The following OPRL1 variants were observed in gnomAD, a reference collection of about 807,000 sequenced individuals.
OPRL1 encodes opioid related nociceptin receptor 1, also known as nociceptin receptor.
OPRL1 carries 5 observed loss-of-function variants against 15.5 expected under a neutral mutation model. The observed-to-expected ratio is 0.32, with a 90% confidence interval of 0.17 to 0.68. OPRL1 has a LOEUF of 0.68. OPRL1 is among the 30% of genes least tolerant of loss of function. OPRL1 has a pLI of 0.72. For missense variants in OPRL1, 406 were observed against 515.3 expected (o/e 0.79, Z 2.05); for synonymous variants, 223 against 230.2 (o/e 0.97, Z 0.28).
At chr20:64,088,461 G>C (rs182155196) in intron 1 of OPRL1, among the ~76,000 whole-genome samples, 2 of 151,514 alleles carry the variant, frequency 1.3e-5, no homozygotes, top group Admixed American at 6.6e-5. Flanking sequence ...GACAGGACCC[G>C]TCCAGGGAGG....
rs1242792544 is a variant in OPRL1, at chr20:64,098,586, T to C, written c.900T>C (p.Ile300=). The C allele has an allele frequency of 6.2e-7, 1 of 1,612,734 alleles. No homozygotes were observed. The highest frequency in any genetic ancestry group is 1.3e-5 in the African/African-American group (1 of 74,916). Residue 300 remains isoleucine, a synonymous_variant, in exon 5 of 5, where the codon ATT becomes ATC. Coordinates refer to ENST00000336866, the MANE Select transcript of OPRL1 (RefSeq NM_182647.4). ...VQPSSETAVA[I]LRFCTALGYV... is the part of the protein sequence containing the mutation. ...CGAGCAGCGAGACTGCCGTGGCCAT[T>C]CTGCGCTTCTGCACGGCCCTGGGCT...
At position 64,083,995 on chromosome 20, in the gene OPRL1, C is replaced by A; in HGVS notation, c.-185+3643C>A. ...CCGACCCGCACGGGAAGGTGGAGGCCGCCGCGCCCACGTCCTCCAGCAGGT... is the reference window on the plus strand; with the variant it reads ...CCGACCCGCACGGGAAGGTGGAGGCAGCCGCGCCCACGTCCTCCAGCAGGT... On this transcript the variant is annotated intron_variant, in intron 1 of 4. Coordinates refer to ENST00000336866, the MANE Select transcript of OPRL1 (RefSeq NM_182647.4). This position sits in a 1 kb window ranked among gnomAD's most constrained non-coding sequence, Gnocchi z 4.9. The A allele has an allele frequency of 6.7e-7, 1 of 1,487,834 alleles. No homozygotes were observed. The highest frequency in any genetic ancestry group is 1.3e-5 in the South Asian group (1 of 78,846). The allele number at this position is 1,487,834 out of a possible 1,614,324, so 92.2% of individuals were successfully genotyped here. A position where few individuals can be genotyped will look rare whatever the true frequency, so the allele number is the denominator to read the frequency against.
chr20:64,086,046 T>A (rs932278490), intron 1 of OPRL1, among the ~76,000 whole-genome samples: 4 of 151,842 alleles, frequency 2.6e-5, no homozygotes, highest in East Asian at 3.9e-4. Context: ...TTGAGGAAGG[T>A]CCCTGGTCTC....
In OPRL1 at chr20:64,093,065, C is replaced by T. The variant is rs1360124957; in HGVS notation, c.233+112C>T. The stretch of plus-strand genomic sequence containing the variant: ...TGAGCAGGTGTTGATTTCCTGCTTC[C>T]CCCATTCAATGTTTTTGACCCTGTC... On this transcript the variant is annotated intron_variant, in intron 3 of 4. Coordinates refer to ENST00000336866, the MANE Select transcript of OPRL1 (RefSeq NM_182647.4). The T allele has an allele frequency of 5.4e-6, 5 of 934,220 alleles. No homozygotes were observed. In the Admixed American group the frequency reaches 1.3e-4, roughly 24 times the overall value. 57.9% of individuals were successfully genotyped at this position (934,220 alleles called of 1,614,324 possible).
intron 1 of OPRL1, among the ~76,000 whole-genome samples, 153 bp downstream of exon 1, chr20:64,080,505 C>T (rs1299498093): frequency 6.6e-6 from 1 of 152,196 alleles, no homozygotes; most frequent in South Asian, 2.1e-4. Flanking sequence ...TTCTTGCATC[C>T]GGAGTCATGC....
At chr20:64,091,520 C>T (rs1451891076) in intron 1 of OPRL1, among the ~76,000 whole-genome samples, 1 of 152,244 alleles carries the variant, frequency 6.6e-6, no homozygotes, top group Admixed American at 6.5e-5. Context: ...GTGCCGTGTC[C>T]TGGACCCAAG....
In OPRL1 at chr20:64,083,805, C is replaced by G; in HGVS notation, c.-185+3453C>G. The G allele has an allele frequency of 7.4e-7, 1 of 1,348,326 alleles. No homozygotes were observed. The highest frequency in any genetic ancestry group is 9.5e-7 in the Non-Finnish European group (1 of 1,056,628). 83.5% of individuals were successfully genotyped at this position (1,348,326 alleles called of 1,614,324 possible). ...CGGTGCGCCCCCTCTGCCCTCCGAC[C>G]CCCTCGCCTCACCCGCATGCGGGTG... On this transcript the variant is annotated intron_variant, in intron 1 of 4. Coordinates refer to ENST00000336866, the MANE Select transcript of OPRL1 (RefSeq NM_182647.4). The surrounding 1 kb of genome is among the most constrained non-coding windows in gnomAD (Gnocchi z 4.9).
intron 3 of OPRL1, among the ~76,000 whole-genome samples, chr20:64,096,689 C>T (rs1220987922): frequency 6.6e-6 from 1 of 152,022 alleles, no homozygotes; most frequent in Non-Finnish European, 1.5e-5. Flanking sequence ...AATATCGCCG[C>T]CACCATCATC....
chr20:64,091,860 G>A (rs1180467843), intron 1 of OPRL1, 106 bp from the exon 2 acceptor site: 4 of 152,494 alleles, frequency 2.6e-5, no homozygotes, highest in Admixed American at 1.3e-4. Flanking sequence ...GTGTGGGGCC[G>A]GCGCAGCCCT....
At chr20:64,096,989 C>T (rs144800288) in intron 3 of OPRL1, among the ~76,000 whole-genome samples, 3 of 60 alleles carry the variant, frequency 0.05, no homozygotes, top group Admixed American at 0.5. Flanking sequence ...ATCACCATCA[C>T]CACTATCACC....
chr20:64,087,032 G>A (rs2060060390), intron 1 of OPRL1, among the ~76,000 whole-genome samples: 1 of 152,216 alleles, frequency 6.6e-6, no homozygotes, highest in African/African-American at 2.4e-5. Flanking sequence ...ATCTCACCCC[G>A]GAACCCAGGC....
At position 64,100,361 on chromosome 20, in the gene OPRL1, C is replaced by G. The variant is rs952651265; in HGVS notation, c.*1562C>G. The G allele has an allele frequency of 5.3e-5, 8 of 152,308 alleles. No homozygotes were observed. Among genetic ancestry groups the G allele is most frequent in the African/African-American group, 1.2e-4 (5 of 41,456 alleles). The allele number at this position is 152,308 out of a possible 1,614,324, so 9.4% of individuals were successfully genotyped here. ...TCGCAACAGAGCCTGGGCTGCTCCT[C>G]CTGCTCTGGGGAGTCTAGGCCGTGG... On this transcript the variant is annotated 3_prime_UTR_variant, in exon 5 of 5. Coordinates refer to ENST00000336866, the MANE Select transcript of OPRL1 (RefSeq NM_182647.4).
chr20:64,092,881 TC>T lies in OPRL1; in HGVS notation c.162del (p.Ile54MetfsTer29). ...AFLPLGLKVT[I>X]VGLYLAVCVG... The stretch of plus-strand genomic sequence containing the variant: ...CTGCCCCTCGGGCTCAAGGTCACCA[TC>T]GTGGGGCTCTACCTGGCCGTGTGTG... On this transcript the variant is annotated frameshift_variant, in exon 3 of 5. Coordinates refer to ENST00000336866, the MANE Select transcript of OPRL1 (RefSeq NM_182647.4). LOFTEE classifies it high-confidence loss of function. 1 of 1,612,710 alleles carries T rather than the reference TC, an allele frequency of 6.2e-7. No individual in the cohort carries two copies. The highest frequency in any genetic ancestry group is 1.1e-5 in the South Asian group (1 of 91,086).
chr20:64,092,780 C>A lies in OPRL1; in HGVS notation c.60C>A (p.Gly20=). 6.2e-7 allele frequency: 1 copy of A among 1,612,768 alleles called. No individual in the cohort carries two copies. The highest frequency in any genetic ancestry group is 8.5e-7 in the Non-Finnish European group (1 of 1,179,950). The change falls in exon 3 of 5, where the codon GGC becomes GGA. Residue 20 remains glycine (G), a synonymous_variant. Transcript: ENST00000336866. The part of the protein sequence containing the change: ...WEVIYGSHLQ[G]NLSLLSPNHS... ...TTATCTACGGCAGCCACCTTCAGGG[C>A]AACCTGTCCCTCCTGAGCCCCAACC...
At chr20:64,088,973 G>A (rs930770027) in intron 1 of OPRL1, among the ~76,000 whole-genome samples, 1 of 151,700 alleles carries the variant, frequency 6.6e-6, no homozygotes, top group Non-Finnish European at 1.5e-5. Flanking sequence ...TTTGCAAGGG[G>A]GCAGGATCTT....
chr20:64,092,632 C>A, intron 2 of OPRL1, 56 bp from the exon 3 acceptor site: 1 of 1,393,818 alleles, frequency 7.2e-7, no homozygotes, highest in Non-Finnish European at 9.9e-7. Flanking sequence ...GGTTGTGAGG[C>A]CTCCGCTGGG....
intron 1 of OPRL1, chr20:64,084,893 C>T (rs1016079823): frequency 6.6e-6 from 1 of 152,372 alleles, no homozygotes. Flanking sequence ...GCCCAGCCCC[C>T]ACCTCTTGGT....
At chr20:64,088,699 C>CAGGATCTGTG (rs2060083332) in intron 1 of OPRL1, among the ~76,000 whole-genome samples, 1 of 16,640 alleles carries the variant, frequency 6.0e-5, no homozygotes, top group Non-Finnish European at 1.4e-4. Flanking sequence ...TGCAGGGAGG[C>CAGGATCTGTG]CAGGGTCTGT....
chr20:64,098,210 C>T, intron 4 of OPRL1, 53 bp downstream of exon 4: 10 of 1,603,314 alleles, frequency 6.2e-6, no homozygotes, highest in Non-Finnish European at 8.5e-6. Flanking sequence ...TCCCGGGTGG[C>T]TCCTCTGGGC....
Sources: gnomAD v4.1 joint callset for allele counts (sites outside exome capture counted in the v4.1 genomes callset) on GRCh38, gnomAD v4.1.1 for gene constraint, Gnocchi (gnomAD v3.1) non-coding constraint, MANE v1.5 for transcripts, NCBI Gene and HGNC (gene_info 2026-07-23, HGNC 2026-07-21) for gene names.